CNTN6: variants seen among roughly 807,000 people sequenced by gnomAD.
CNTN6 encodes the protein contactin 6.
Under a neutral mutation model 122.8 loss-of-function variants are expected in CNTN6, and 137 were observed. That is an observed-to-expected ratio of 1.12 (90% CI 0.97 to 1.29). CNTN6 has a LOEUF of 1.29. CNTN6 is among the 50% of genes most tolerant of loss of function. CNTN6 has a pLI of 0.00. For synonymous variants in CNTN6, 570 were observed against 426.0 expected, an observed-to-expected ratio of 1.34 and a Z score of -4.16; for missense variants, 1,634 against 1,223.4, an observed-to-expected ratio of 1.34 and a Z score of -5.01.
chr3:1,247,453 TA>T (rs3836241), intron 4 of CNTN6, among the ~76,000 whole-genome samples: 324 of 149,296 alleles, frequency 2.2e-3, no homozygotes, highest in Middle Eastern at 6.8e-3. Context: ...CTATATGGTT[TA>T]AAAAAAAAAG....
At position 1,283,246 on chromosome 3, in the gene CNTN6, C is replaced by T. The variant is rs1274611834; in HGVS notation, c.454+4738C>T. ...CTGGGATCACCGGTGTGAGCCACTG[C>T]TCCCAGCCCACAAAACTTATTTAGT... is the stretch of plus-strand genomic sequence containing the variant. On this transcript the variant is annotated intron_variant, in intron 5 of 22. Coordinates refer to ENST00000446702, the MANE Select transcript of CNTN6 (RefSeq NM_001289080.2). Among the ~76,000 whole-genome samples the T allele has an allele frequency of 5.3e-5, 8 of 152,142 alleles. No individual in the cohort carries two copies. In the East Asian group the frequency reaches 1.5e-3, roughly 29 times the overall value.
At chr3:1,103,087 C>G (rs911879129) in intron 1 of CNTN6, among the ~76,000 whole-genome samples, 22 of 151,968 alleles carry the variant, frequency 1.4e-4, no homozygotes, top group Non-Finnish European at 2.2e-4. Flanking sequence ...GCCTGGGCGA[C>G]AGAGCCAGAC....
intron 7 of CNTN6, among the ~76,000 whole-genome samples, chr3:1,301,330 C>A (rs947682384): frequency 6.6e-6 from 1 of 151,902 alleles, no homozygotes; most frequent in African/African-American, 2.4e-5. Flanking sequence ...CCACTGTGCC[C>A]GGCTCCTAAA....
intron 4 of CNTN6, among the ~76,000 whole-genome samples, chr3:1,251,022 C>G (rs1006231320): frequency 9.9e-5 from 15 of 152,120 alleles, no homozygotes; most frequent in African/African-American, 3.6e-4. Flanking sequence ...ATTCTCATCC[C>G]CTAAACTCCA....
At chr3:1,291,394 T>TA (rs1306719744) in intron 5 of CNTN6, among the ~76,000 whole-genome samples, 2 of 152,174 alleles carry the variant, frequency 1.3e-5, no homozygotes, top group Non-Finnish European at 2.9e-5. Flanking sequence ...AGAGGAAAAT[T>TA]ACAGTCTCAG....
chr3:1,295,873 GC>G, intron 6 of CNTN6, 69 bp downstream of exon 6: 1 of 1,392,988 alleles, frequency 7.2e-7, no homozygotes, highest in East Asian at 2.3e-5. Context: ...GATTCGTAAA[GC>G]TTTCTGCTTC....
rs538176790 is a variant in CNTN6 at position 1,364,780 on chromosome 3, A to G, written c.1493-7519A>G. On this transcript the variant is annotated intron_variant, in intron 12 of 22. Coordinates refer to ENST00000446702, the MANE Select transcript of CNTN6 (RefSeq NM_001289080.2). ...ATGCATTCTGGAAACATCATTGGCT[A>G]TTATGAAATGTGAATTTCAGTAAGG... 2.0e-5 allele frequency among the ~76,000 whole-genome samples: 3 copies of G among 152,108 alleles called. No individual in the cohort carries two copies. In the East Asian group the frequency reaches 5.8e-4, roughly 29 times the overall value.
chr3:1,102,556 C>G (rs542828221), intron 1 of CNTN6, among the ~76,000 whole-genome samples: 30 of 149,820 alleles, frequency 2.0e-4, no homozygotes, highest in Non-Finnish European at 1.8e-4. Flanking sequence ...CGGTGAAACC[C>G]CGTCTCTACT....
At chr3:1,218,249 G>T (rs773318218) in intron 2 of CNTN6, among the ~76,000 whole-genome samples, 1 of 152,082 alleles carries the variant, frequency 6.6e-6, no homozygotes, top group Non-Finnish European at 1.5e-5. Flanking sequence ...ATTGTTAGGG[G>T]AGGGTGTTGA....
rs559049605 is a variant in CNTN6, at chr3:1,153,301, A to C, written c.55+5238A>C. On this transcript the variant is annotated intron_variant, in intron 2 of 22. Transcript: ENST00000446702. ...TCAAAGCCCTCCTTGAGGGATTCTA[A>C]TTATTGTGTTATGCCAACAGGGCCT... 6.6e-5 allele frequency among the ~76,000 whole-genome samples: 10 copies of C among 152,310 alleles called. 1 individual carries two copies. The South Asian group carries it at 1.2e-3, about 19-fold the overall frequency.
chr3:1,147,167 T>C (rs2092740723), intron 1 of CNTN6, among the ~76,000 whole-genome samples: 1 of 152,116 alleles, frequency 6.6e-6, no homozygotes, highest in Admixed American at 6.5e-5. Context: ...GTTTCCACTA[T>C]GTTAAAGTTT....
At chr3:1,389,565 T>TATTAACTTTAAATGTAAATGGACTAA (rs577312055) in intron 20 of CNTN6, among the ~76,000 whole-genome samples, 15,487 of 150,486 alleles carry the variant, frequency 0.1, 1,086 homozygotes, top group Middle Eastern at 0.15. Flanking sequence ...CACATAACAA[T>TATTAACTTTAAATGTAAATGGACTAA]ATTAACTTTA....
chr3:1,301,189 A>G (rs1342203285), intron 7 of CNTN6, among the ~76,000 whole-genome samples: 1 of 151,994 alleles, frequency 6.6e-6, no homozygotes, highest in Non-Finnish European at 1.5e-5. Context: ...GGCACCTGCC[A>G]CCACACCCAG....
At chr3:1,228,585 T>C (rs62229418) in intron 4 of CNTN6, among the ~76,000 whole-genome samples, 3,405 of 152,262 alleles carry the variant, frequency 0.022, 50 homozygotes, top group South Asian at 0.041. Flanking sequence ...CCTTTATATA[T>C]AGTGTTTCCA....
chr3:1,388,360 T>C (rs1191809148), intron 20 of CNTN6, among the ~76,000 whole-genome samples: 1 of 148,260 alleles, frequency 6.7e-6, no homozygotes, highest in Non-Finnish European at 1.5e-5. Context: ...TCCTGTCTGT[T>C]AGAAGGAAAA....
chr3:1,159,578 T>A lies in CNTN6; in HGVS notation c.55+11515T>A, dbSNP rs186518147. Among the ~76,000 whole-genome samples, 42 of 152,178 alleles carry A rather than the reference T, an allele frequency of 2.8e-4. No individual in the cohort carries two copies. In the East Asian group the frequency reaches 7.9e-3, roughly 29 times the overall value. On this transcript the variant is annotated intron_variant, in intron 2 of 22. Transcript: ENST00000446702. ...GGCGGGACTATTATATATAGAATTT[T>A]TTTTTATTTTGGCAAATATACTGTC...
chr3:1,226,063 G>A (rs1402413343), intron 3 of CNTN6, among the ~76,000 whole-genome samples: 1 of 152,122 alleles, frequency 6.6e-6, no homozygotes, highest in Non-Finnish European at 1.5e-5. Context: ...ATTTTTAGTA[G>A]AGGCGGGGTT....
intron 12 of CNTN6, among the ~76,000 whole-genome samples, chr3:1,354,095 T>C (rs1169165132): frequency 6.6e-6 from 1 of 151,424 alleles, no homozygotes; most frequent in Non-Finnish European, 1.5e-5. Flanking sequence ...ATATTCACAG[T>C]CCACTAATAA....
intron 2 of CNTN6, among the ~76,000 whole-genome samples, chr3:1,154,448 C>CTTTTTTTTTTTTTTTTT (rs771133835): frequency 2.1e-5 from 3 of 140,476 alleles, no homozygotes; most frequent in Non-Finnish European, 3.1e-5. Context: ...TCTTTTCTTT[C>CTTTTTTTTTTTTTTTTT]TTTTTTTTTT....
Sources: allele counts gnomAD v4.1 joint callset (sites outside exome capture counted in the v4.1 genomes callset), GRCh38; gene constraint gnomAD v4.1.1; transcripts MANE v1.5; gene names NCBI Gene and HGNC (gene_info 2026-07-23, HGNC 2026-07-21).